ZNF407: variants seen among roughly 807,000 people sequenced by gnomAD.
The protein encoded by ZNF407 is zinc finger protein 407.
ZNF407 carries 17 observed loss-of-function variants against 131.2 expected under a neutral mutation model. That is an observed-to-expected ratio of 0.13 (90% CI 0.09 to 0.19). ZNF407 has a LOEUF of 0.19. ZNF407 is among the 10% of genes least tolerant of loss of function. ZNF407 has a pLI of 1.00. For missense variants in ZNF407, 2,681 were observed against 2,830.6 expected (o/e 0.95, Z 1.20); for synonymous variants, 1,156 against 1,062.0 (o/e 1.09, Z -1.72).
At chr18:74,729,000 A>T (rs1323251574) in intron 3 of ZNF407, among the ~76,000 whole-genome samples, 2 of 152,128 alleles carry the variant, frequency 1.3e-5, no homozygotes, top group African/African-American at 2.4e-5. Flanking sequence ...TCTCTCTGTG[A>T]TGCTTAGAAG....
In ZNF407 at chr18:74,936,656, T is replaced by G. The variant is rs1045751991; in HGVS notation, c.5428+15964T>G. 7.2e-5 allele frequency among the ~76,000 whole-genome samples: 11 copies of G among 152,348 alleles called. No homozygotes were observed. The South Asian group carries it at 1.5e-3, about 20-fold the overall frequency. On this transcript the variant is annotated intron_variant, in intron 8 of 8. Coordinates refer to ENST00000299687, the MANE Select transcript of ZNF407 (RefSeq NM_017757.3). The stretch of plus-strand genomic sequence containing the variant: ...CGCAGGTAGGATCTTTGACTCTGTA[T>G]GAACCTCTGTTTAAAACCTATACCG...
chr18:74,781,602 T>A, intron 4 of ZNF407, 100 bp downstream of exon 4: 3 of 814,146 alleles, frequency 3.7e-6, no homozygotes, highest in Non-Finnish European at 5.5e-6. Flanking sequence ...TCACATCAGT[T>A]AATCATGTTT....
chr18:74,698,674 A>G (rs1967418983), intron 3 of ZNF407, among the ~76,000 whole-genome samples: 1 of 152,200 alleles, frequency 6.6e-6, no homozygotes, highest in African/African-American at 2.4e-5. Flanking sequence ...TTGGGCCTTT[A>G]CCCTCAAGAA....
At chr18:75,001,963 C>G (rs1267263870) in intron 8 of ZNF407, among the ~76,000 whole-genome samples, 1 of 152,154 alleles carries the variant, frequency 6.6e-6, no homozygotes, top group East Asian at 1.9e-4. Context: ...GCTGAACATT[C>G]TGCAATGCAC....
At chr18:74,717,232 CAATTA>C (rs1967916118) in intron 3 of ZNF407, among the ~76,000 whole-genome samples, 1 of 152,080 alleles carries the variant, frequency 6.6e-6, no homozygotes, top group South Asian at 2.1e-4. Context: ...TCATACTGTG[CAATTA>C]ATTATTTGTG....
At chr18:74,920,745 C>T in intron 8 of ZNF407, 53 bp downstream of exon 8, 1 of 1,541,434 alleles carries the variant, frequency 6.5e-7, no homozygotes, top group Non-Finnish European at 8.8e-7. Flanking sequence ...CATGTGATCA[C>T]AGCAGTTATA....
intron 6 of ZNF407, among the ~76,000 whole-genome samples, chr18:74,884,501 G>A (rs1430860157): frequency 2.6e-5 from 4 of 152,114 alleles, no homozygotes; most frequent in Non-Finnish European, 5.9e-5. Context: ...GCCTTGCTTA[G>A]CATAGGATTT....
intron 3 of ZNF407, among the ~76,000 whole-genome samples, chr18:74,683,425 G>A (rs1967030442): frequency 6.6e-6 from 1 of 152,170 alleles, no homozygotes; most frequent in African/African-American, 2.4e-5. Flanking sequence ...TTGCTGTGGG[G>A]TGGTTTGTGT....
intron 1 of ZNF407, among the ~76,000 whole-genome samples, chr18:74,610,025 G>A (rs1982985178): frequency 6.6e-6 from 1 of 152,068 alleles, no homozygotes; most frequent in Non-Finnish European, 1.5e-5. Flanking sequence ...GTCCCAACCG[G>A]AGCACATTGG....
chr18:74,852,763 T>C (rs1005891765), intron 4 of ZNF407, among the ~76,000 whole-genome samples: 6 of 152,124 alleles, frequency 3.9e-5, no homozygotes, highest in Non-Finnish European at 7.4e-5. Flanking sequence ...TTCTGAAAAA[T>C]GAGTTGTAAG....
At chr18:74,833,348 G>GT (rs1226663784) in intron 4 of ZNF407, among the ~76,000 whole-genome samples, 1 of 152,202 alleles carries the variant, frequency 6.6e-6, no homozygotes, top group East Asian at 1.9e-4. Context: ...ACATAAACAG[G>GT]TAAGCAAATG....
Position 74,694,290 on chromosome 18 carries a change from A to G in ZNF407, c.4802+53168A>G, listed in dbSNP as rs908813742. On this transcript the variant is annotated intron_variant, in intron 3 of 8. Coordinates refer to ENST00000299687, the MANE Select transcript of ZNF407 (RefSeq NM_017757.3). The stretch of plus-strand genomic sequence containing the variant: ...TAGTTAAGCTCAATGTTAAGGTGTG[A>G]CCGTTTCGTGTCTCTTCCGAAGTAC... Among the ~76,000 whole-genome samples the G allele has an allele frequency of 3.3e-5, 5 of 152,236 alleles. 1 individual carries two copies. In the South Asian group the frequency reaches 1.0e-3, roughly 32 times the overall value.
intron 1 of ZNF407, among the ~76,000 whole-genome samples, chr18:74,605,516 C>G (rs983583818): frequency 4.6e-5 from 7 of 152,032 alleles, no homozygotes; most frequent in Non-Finnish European, 8.8e-5. Context: ...ATGAATTAAG[C>G]ACATAGCATA....
chr18:74,765,383 T>C (rs1317246681), intron 3 of ZNF407, among the ~76,000 whole-genome samples: 1 of 152,204 alleles, frequency 6.6e-6, no homozygotes, highest in South Asian at 2.1e-4. Context: ...TTTCTGTTTA[T>C]TTTGTAGTTC....
intron 3 of ZNF407, among the ~76,000 whole-genome samples, chr18:74,678,781 G>T (rs1966911472): frequency 6.6e-6 from 1 of 152,134 alleles, no homozygotes; most frequent in African/African-American, 2.4e-5. Flanking sequence ...TGACTTAATT[G>T]TGAAATACAG....
chr18:74,615,765 A>G (rs11664163), intron 1 of ZNF407, among the ~76,000 whole-genome samples: 150,812 of 152,342 alleles, frequency 0.99, 74,669 homozygotes, highest in Middle Eastern at 1. Context: ...GCTTAGTCCC[A>G]TAGTCTGAAG....
intron 8 of ZNF407, among the ~76,000 whole-genome samples, chr18:75,019,818 A>G (rs758282421): frequency 1.4e-4 from 22 of 152,218 alleles, no homozygotes; most frequent in South Asian, 2.1e-4. Context: ...ACACCTTCCC[A>G]TGGTGGCAGG....
At chr18:74,974,890 G>T (rs1486971398) in intron 8 of ZNF407, among the ~76,000 whole-genome samples, 1 of 152,186 alleles carries the variant, frequency 6.6e-6, no homozygotes, top group East Asian at 1.9e-4. Flanking sequence ...CTTCTTTGCT[G>T]TGTCTTTGGG....
chr18:74,993,676 AG>A (rs1972745205), intron 8 of ZNF407, among the ~76,000 whole-genome samples: 1 of 152,250 alleles, frequency 6.6e-6, no homozygotes, highest in Admixed American at 6.5e-5. Flanking sequence ...TAAACTGTTA[AG>A]AAACAAAAAA....
Sources: allele counts gnomAD v4.1 joint callset (sites outside exome capture counted in the v4.1 genomes callset), GRCh38; gene constraint gnomAD v4.1.1; transcripts MANE v1.5; gene names NCBI Gene and HGNC (gene_info 2026-07-23, HGNC 2026-07-21).